Variants in CFLAR observed in about 807,000 individuals in gnomAD.
The protein encoded by CFLAR is CASP8 and FADD-like apoptosis regulator.
In CFLAR, 14 loss-of-function variants were observed where a neutral mutation model predicts 51.1. That is an observed-to-expected ratio of 0.27 (90% CI 0.18 to 0.43). The LOEUF (loss-of-function observed/expected upper bound fraction) is 0.43, where lower values mean the gene tolerates loss of function less well. Among genes scored for constraint, CFLAR ranks in the 20% least tolerant of loss-of-function variants. The probability of loss-of-function intolerance (pLI) is 1.00; values close to 1 mark genes in which losing one functional copy is unlikely to be tolerated. For synonymous variants in CFLAR, 210 were observed against 211.6 expected, an observed-to-expected ratio of 0.99 and a Z score of 0.06; for missense variants, 390 against 566.5, an observed-to-expected ratio of 0.69 and a Z score of 3.16.
intron 7 of CFLAR, 97 bp downstream of exon 7, chr2:201,149,149 C>CAGTG (rs759346816): frequency 2.7e-5 from 21 of 781,278 alleles, no homozygotes; most frequent in Non-Finnish European, 4.4e-5. Flanking sequence ...TTCTTTGAGA[C>CAGTG]AGTGGGACTC....
At chr2:201,158,355 C>T (rs1468084058) in intron 8 of CFLAR, among the ~76,000 whole-genome samples, 1 of 152,228 alleles carries the variant, frequency 6.6e-6, no homozygotes, top group Non-Finnish European at 1.5e-5. Flanking sequence ...CTGTCCAAGC[C>T]TTACATATCA....
rs1939928544 is a variant in CFLAR at position 201,145,441 on chromosome 2, A to C, written c.661+9A>C. On this transcript the variant is annotated intron_variant, in intron 6 of 9. Transcript: ENST00000309955. ...ACAGCTTGGCGCTCAACGTAAGACC[A>C]CCTTTTTTTAATATTCATTATTTAT... 2.6e-6 allele frequency: 4 copies of C among 1,563,558 alleles called. No homozygotes were observed. The highest frequency in any genetic ancestry group is 3.5e-6 in the Non-Finnish European group (4 of 1,137,030).
At position 201,135,968 on chromosome 2, in the gene CFLAR, T is replaced by G. The variant is rs1575682605; in HGVS notation, c.388-4T>G. The stretch of plus-strand genomic sequence containing the variant: ...CATTTGTTTTTTGTTGGTGGTTCTC[T>G]TAGAGTTTCTTGGACCTTGTGGTTG... On this transcript the variant is annotated splice_region_variant and splice_polypyrimidine_tract_variant and intron_variant, in intron 3 of 9. Transcript: ENST00000309955. 1.2e-6 allele frequency: 2 copies of G among 1,605,010 alleles called. No individual in the cohort carries two copies. The highest frequency in any genetic ancestry group is 4.5e-5 in the East Asian group (2 of 44,856).
rs1036428702 is a variant in CFLAR at position 201,144,961 on chromosome 2, T to G, written c.607-417T>G. On this transcript the variant is annotated intron_variant, in intron 5 of 9. Coordinates refer to ENST00000309955, the MANE Select transcript of CFLAR (RefSeq NM_003879.7). Reference sequence around the variant, plus strand: ...TCTGCCTCTCAGGTTCAAGCAATTCTCCTGCCTCAGCCTCCTGAGAAGCTG... The same window carrying G: ...TCTGCCTCTCAGGTTCAAGCAATTCGCCTGCCTCAGCCTCCTGAGAAGCTG... 2.0e-5 allele frequency among the ~76,000 whole-genome samples: 3 copies of G among 152,188 alleles called. No homozygotes were observed. The East Asian group carries it at 5.8e-4, about 29-fold the overall frequency.
chr2:201,163,221 A>T, intron 9 of CFLAR: 1 of 1,268,034 alleles, frequency 7.9e-7, no homozygotes, highest in Non-Finnish European at 1.0e-6. Context: ...AGGCTTTGTT[A>T]TATAAACATT....
chr2:201,140,201 T>C (rs954548868), intron 4 of CFLAR, 156 bp from the exon 5 acceptor site: 2 of 830,192 alleles, frequency 2.4e-6, no homozygotes, highest in South Asian at 3.6e-5. Context: ...TGATGTTTGG[T>C]CGAAGAGTCA....
At position 201,168,960 on chromosome 2, in the gene CFLAR, A is replaced by C. The variant is rs762982479; in HGVS notation, c.*4987A>C. ...CTACAAACCACTGCTCAAGGAAATA[A>C]GAGAGGACACAAATGAAAAAACATT... is the stretch of plus-strand genomic sequence containing the variant. On this transcript the variant is annotated 3_prime_UTR_variant, in exon 10 of 10. Transcript: ENST00000309955. The C allele has an allele frequency of 6.6e-6, 1 of 152,214 alleles. No homozygotes were observed. The highest frequency in any genetic ancestry group is 1.9e-4 in the East Asian group (1 of 5,206). The allele number at this position is 152,214 out of a possible 1,614,324, so 9.4% of individuals were successfully genotyped here. A position where few individuals can be genotyped will look rare whatever the true frequency, so the allele number is the denominator to read the frequency against.
intron 4 of CFLAR, chr2:201,137,622 C>T (rs571620400): frequency 2.6e-5 from 20 of 755,652 alleles, no homozygotes; most frequent in East Asian, 2.5e-4. Flanking sequence ...CATCATGGAC[C>T]GAAGGACAGA....
chr2:201,132,922 G>T (rs2049524698), intron 2 of CFLAR, 107 bp from the exon 3 acceptor site: 1 of 1,179,974 alleles, frequency 8.5e-7, no homozygotes, highest in East Asian at 2.6e-5. Context: ...TTACACAGGG[G>T]CAAGAACTAG....
At chr2:201,129,624 CTACT>C in intron 1 of CFLAR, 101 bp from the exon 2 acceptor site, 1 of 507,132 alleles carries the variant, frequency 2.0e-6, no homozygotes, top group Non-Finnish European at 3.5e-6. Flanking sequence ...AGAACTTAAT[CTACT>C]TAAGTCAGGG....
At chr2:201,156,654 T>C (rs1444394646) in intron 8 of CFLAR, among the ~76,000 whole-genome samples, 1 of 152,184 alleles carries the variant, frequency 6.6e-6, no homozygotes, top group Non-Finnish European at 1.5e-5. Context: ...TGAGTAGTGC[T>C]GACCCTAGCC....
rs866593460 is a variant in CFLAR, at chr2:201,176,288, G to C, written c.*12315G>C. 5.1e-5 allele frequency: 6 copies of C among 117,650 alleles called. 1 individual carries two copies. The highest frequency in any genetic ancestry group is 2.8e-4 in the East Asian group (1 of 3,588). 7.3% of individuals were successfully genotyped at this position (117,650 alleles called of 1,614,324 possible). Reference sequence around the variant, plus strand: ...AGGTGTTTTCTATTGCGGGGGGGGGGGGCGGGCGGGGGAGCTGCCTGTCCC... The same window carrying C: ...AGGTGTTTTCTATTGCGGGGGGGGGCGGCGGGCGGGGGAGCTGCCTGTCCC... On this transcript the variant is annotated 3_prime_UTR_variant, in exon 10 of 10. Coordinates refer to ENST00000309955, the MANE Select transcript of CFLAR (RefSeq NM_003879.7).
chr2:201,148,663 A>G (rs574826822), intron 6 of CFLAR: 1 of 246,272 alleles, frequency 4.1e-6, no homozygotes, highest in Non-Finnish European at 8.1e-6. Context: ...GAAAGCTATC[A>G]GTATTGTTGG....
rs1468372497 is a variant in CFLAR at position 201,173,655 on chromosome 2, C to G, written c.*9682C>G. On this transcript the variant is annotated 3_prime_UTR_variant, in exon 10 of 10. Transcript: ENST00000309955. ...CTGTGCCTGGCCTCAAGTCCTTTCT[C>G]ATTTTAAAACTGCGTTATTTTATTT... 2.2e-5 allele frequency: 3 copies of G among 139,446 alleles called. No homozygotes were observed. The highest frequency in any genetic ancestry group is 1.0e-4 in the African/African-American group (3 of 29,768). The allele number at this position is 139,446 out of a possible 1,614,324, so 8.6% of individuals were successfully genotyped here. A position where few individuals can be genotyped will look rare whatever the true frequency, so the allele number is the denominator to read the frequency against.
At chr2:201,153,718 G>C (rs1196632698) in intron 8 of CFLAR, 2 of 152,160 alleles carry the variant, frequency 1.3e-5, no homozygotes, top group African/African-American at 4.8e-5. Flanking sequence ...CCTAGGCATA[G>C]CTGTGCTCAG....
chr2:201,140,225 ATT>A (rs1938347575), intron 4 of CFLAR, 130 bp from the exon 5 acceptor site: 6 of 1,127,008 alleles, frequency 5.3e-6, no homozygotes, highest in African/African-American at 1.6e-5. Context: ...GAAATTTTGA[ATT>A]CAGTAAGGTG....
intron 6 of CFLAR, among the ~76,000 whole-genome samples, chr2:201,147,588 G>A (rs113888778): frequency 6.7e-6 from 1 of 149,222 alleles, no homozygotes; most frequent in East Asian, 2.0e-4. Context: ...TAAAATACTC[G>A]GCCAGGCATG....
At chr2:201,153,248 A>G (rs942238822) in intron 8 of CFLAR, 119 of 152,242 alleles carry the variant, frequency 7.8e-4, no homozygotes, top group African/African-American at 2.7e-3. Flanking sequence ...GAAACAAGGC[A>G]GCACACTTTT....
intron 5 of CFLAR, chr2:201,144,129 A>C (rs749604054): frequency 6.6e-6 from 1 of 152,228 alleles, no homozygotes; most frequent in Non-Finnish European, 1.5e-5. Context: ...TGAAAAAGGC[A>C]ACTTACATGT....
Sources: allele counts gnomAD v4.1 joint callset (sites outside exome capture counted in the v4.1 genomes callset), GRCh38; gene constraint gnomAD v4.1.1; transcripts MANE v1.5; gene names NCBI Gene and HGNC (gene_info 2026-07-23, HGNC 2026-07-21).